Variants in SLC9B2 observed in about 807,000 individuals in gnomAD.
SLC9B2 encodes the protein sodium/hydrogen exchanger 9B2.
SLC9B2 carries 39 observed loss-of-function variants against 52.2 expected under a neutral mutation model. The observed-to-expected ratio is 0.75, with a 90% CI of 0.58 to 0.98. The LOEUF (loss-of-function observed/expected upper bound fraction) is 0.98. Among genes scored for constraint, SLC9B2 ranks in the 50% least tolerant of loss-of-function variants. SLC9B2 has a pLI of 0.00. For synonymous variants in SLC9B2, 214 were observed against 227.0 expected, an observed-to-expected ratio of 0.94 and a Z score of 0.51; for missense variants, 626 against 637.5, an observed-to-expected ratio of 0.98 and a Z score of 0.19.
chr4:103,035,221 G>A (rs953843311), intron 9 of SLC9B2, among the ~76,000 whole-genome samples: 2 of 152,086 alleles, frequency 1.3e-5, no homozygotes, highest in African/African-American at 4.8e-5. Flanking sequence ...CCACTTATAA[G>A]TGAAAACGTG....
At chr4:103,038,665 C>T (rs1344258863) in intron 9 of SLC9B2, among the ~76,000 whole-genome samples, 1 of 152,040 alleles carries the variant, frequency 6.6e-6, no homozygotes, top group Non-Finnish European at 1.5e-5. Flanking sequence ...GGAGGACCAA[C>T]AAAGGAGAAA....
chr4:103,027,583 A>G (rs950928842), intron 11 of SLC9B2, among the ~76,000 whole-genome samples: 1 of 152,172 alleles, frequency 6.6e-6, no homozygotes, highest in Non-Finnish European at 1.5e-5. Context: ...TAATCTGGTT[A>G]TCCCTTATTC....
chr4:103,023,940 C>T lies in SLC9B2; in HGVS notation c.*2430G>A, dbSNP rs1348295020. ...AAAATGCCACTGATGACCTGGGAAA[C>T]AGCATGAAGTGTAACACTTTTTGGT... On this transcript the variant is annotated 3_prime_UTR_variant, in exon 12 of 12. Coordinates refer to ENST00000394785, the MANE Select transcript of SLC9B2 (RefSeq NM_178833.7). Among the ~76,000 whole-genome samples the T allele has an allele frequency of 3.3e-5, 5 of 152,260 alleles. 1 individual carries two copies. In the East Asian group the frequency reaches 9.6e-4, roughly 29 times the overall value.
rs987448512 is a variant in SLC9B2 at position 103,056,544 on chromosome 4, G to A, written c.442+1257C>T. 5.3e-5 allele frequency among the ~76,000 whole-genome samples: 8 copies of A among 152,244 alleles called. No homozygotes were observed. In the East Asian group the frequency reaches 7.7e-4, roughly 15 times the overall value. On this transcript the variant is annotated intron_variant, in intron 4 of 11. Coordinates refer to ENST00000394785, the MANE Select transcript of SLC9B2 (RefSeq NM_178833.7). ...ATTACAGGTGTGAGCCACCATGATC[G>A]GCCAATATTATATTTTAAATATACC...
downstream of SLC9B2, among the ~76,000 whole-genome samples, chr4:103,018,541 A>G (rs1741526581): frequency 2.0e-5 from 3 of 152,178 alleles, no homozygotes; most frequent in African/African-American, 7.2e-5. Context: ...TGTTGCACAC[A>G]TAATTATATT....
intron 9 of SLC9B2, among the ~76,000 whole-genome samples, chr4:103,035,639 G>T (rs2110586384): frequency 6.6e-6 from 1 of 152,250 alleles, no homozygotes; most frequent in Admixed American, 6.5e-5. Flanking sequence ...ACAGATGATG[G>T]TGAGGTTGTG....
In SLC9B2 at chr4:103,031,753, A is replaced by G. The variant is rs748598869; in HGVS notation, c.1202T>C (p.Phe401Ser). 1.2e-6 allele frequency: 2 copies of G among 1,612,800 alleles called. No individual in the cohort carries two copies. Among genetic ancestry groups the G allele is most frequent in the Non-Finnish European group, 1.7e-6 (2 of 1,179,274 alleles). Residue 401 changes from phenylalanine to serine, a missense_variant, in exon 10 of 12, where the codon TTT becomes TCT. Physicochemically the swap from Phe to Ser is radical, Grantham distance 155. Transcript: ENST00000394785. ...AGATACCTCTGCTCCAATTAGTCCA[A>G]AAAGAAGGGGCTGAAAAATGTCCCA... ...VAWDIFQPLL[F>S]GLIGAEVSIA...
intron 1 of SLC9B2, among the ~76,000 whole-genome samples, chr4:103,072,359 G>A (rs1746738008): frequency 6.6e-6 from 1 of 152,018 alleles, no homozygotes. Context: ...ACCCAGCCCT[G>A]GTCTTCATAT....
intron 4 of SLC9B2, 114 bp downstream of exon 4, chr4:103,057,687 C>T (rs1745274621): frequency 8.6e-7 from 1 of 1,167,654 alleles, no homozygotes; most frequent in Admixed American, 3.0e-5. Flanking sequence ...TGGCTTTTGG[C>T]TCCAGCATGG....
At chr4:103,027,584 T>C (rs1381988663) in intron 11 of SLC9B2, among the ~76,000 whole-genome samples, 1 of 152,138 alleles carries the variant, frequency 6.6e-6, no homozygotes, top group African/African-American at 2.4e-5. Context: ...AATCTGGTTA[T>C]CCCTTATTCC....
Position 103,066,384 on chromosome 4 carries a change from G to A in SLC9B2, c.214C>T (p.Leu72=). ...TPTEANHVQR[L]RQMLACPPHG... ...GGAGGGCAAGCCAGCATTTGTCTCA[G>A]TCTTTGTACGTGATTTGCTTCAGTT... Residue 72 remains leucine (L), a synonymous_variant, in exon 3 of 12, where the codon CTG becomes TTG. Coordinates refer to ENST00000394785, the MANE Select transcript of SLC9B2 (RefSeq NM_178833.7). 6.2e-7 allele frequency: 1 copy of A among 1,614,008 alleles called. No individual in the cohort carries two copies. The highest frequency in any genetic ancestry group is 8.5e-7 in the Non-Finnish European group (1 of 1,179,932).
In SLC9B2 at chr4:103,072,056, GT is replaced by G. The variant is rs779979130; in HGVS notation, c.-43+4127del. 2.9e-3 allele frequency among the ~76,000 whole-genome samples: 275 copies of G among 95,336 alleles called. 8 individuals carry two copies. The highest frequency in any genetic ancestry group is 9.7e-3 in the African/African-American group (212 of 21,836). 62.5% of individuals were successfully genotyped at this position (95,336 alleles called of 152,430 possible). ...CAAAATTTTCAAGTTTGGCTTTCATGTTTTTTTTTTTTTTTTTTTTGAGGTG... is the reference window on the plus strand; with the variant it reads ...CAAAATTTTCAAGTTTGGCTTTCATGTTTTTTTTTTTTTTTTTTTGAGGTG... On this transcript the variant is annotated intron_variant, in intron 1 of 11. Coordinates refer to ENST00000394785, the MANE Select transcript of SLC9B2 (RefSeq NM_178833.7).
At chr4:103,050,027 A>C (rs909394623) in intron 5 of SLC9B2, among the ~76,000 whole-genome samples, 2 of 151,772 alleles carry the variant, frequency 1.3e-5, no homozygotes, top group Non-Finnish European at 2.9e-5. Flanking sequence ...AAAAAAAAAA[A>C]GGAAGAAAAT....
chr4:103,038,418 C>T (rs1203024223), intron 9 of SLC9B2, among the ~76,000 whole-genome samples: 1 of 152,040 alleles, frequency 6.6e-6, no homozygotes, highest in African/African-American at 2.4e-5. Context: ...CAGACATGGG[C>T]TTATATATTG....
chr4:103,026,284 A>C lies in SLC9B2; in HGVS notation c.*86T>G. The C allele has an allele frequency of 3.2e-6, 4 of 1,247,838 alleles. No individual in the cohort carries two copies. Among genetic ancestry groups the C allele is most frequent in the Non-Finnish European group, 4.5e-6 (4 of 896,434 alleles). 77.3% of individuals were successfully genotyped at this position (1,247,838 alleles called of 1,614,324 possible). ...ACACTTTTGGTTCTATTACATTTTAAGCTTAAACATTACATATTTCAATAT... is the reference window on the plus strand; with the variant it reads ...ACACTTTTGGTTCTATTACATTTTACGCTTAAACATTACATATTTCAATAT... On this transcript the variant is annotated 3_prime_UTR_variant, in exon 12 of 12. Transcript: ENST00000394785.
intron 3 of SLC9B2, among the ~76,000 whole-genome samples, chr4:103,059,450 T>C (rs1745439732): frequency 6.6e-6 from 1 of 152,238 alleles, no homozygotes; most frequent in African/African-American, 2.4e-5. Context: ...CCTCAGCTTA[T>C]ACTCTCAGCC....
At position 103,048,983 on chromosome 4, in the gene SLC9B2, G is replaced by A. The variant is rs753736568; in HGVS notation, c.623C>T (p.Ser208Phe). Residue 208 changes from serine to phenylalanine, a missense_variant, in exon 6 of 12, where the codon TCC (serine) becomes TTC (phenylalanine). Coordinates refer to ENST00000394785, the MANE Select transcript of SLC9B2 (RefSeq NM_178833.7). ...KKLKGVCVRL[S>F]MGPCIVEACT... ...CGCCTCCACAATACAGGGACCCATG[G>A]ACAGTCTTACACAAACGCCCTTTAA... 1.2e-6 allele frequency: 2 copies of A among 1,613,920 alleles called. No individual in the cohort carries two copies. Among genetic ancestry groups the A allele is most frequent in the African/African-American group, 2.7e-5 (2 of 75,010 alleles).
intron 4 of SLC9B2, among the ~76,000 whole-genome samples, chr4:103,055,146 A>C (rs1475954060): frequency 6.6e-6 from 1 of 151,104 alleles, no homozygotes; most frequent in Non-Finnish European, 1.5e-5. Context: ...GGACAAAAAA[A>C]CCAAACACTG....
At chr4:103,031,604 G>T (rs1405401248) in intron 10 of SLC9B2, 96 bp downstream of exon 10, 2 of 836,688 alleles carry the variant, frequency 2.4e-6, no homozygotes, top group Non-Finnish European at 3.9e-6. Flanking sequence ...CATACCTGCT[G>T]GAGATATTTC....
Sources: allele counts gnomAD v4.1 joint callset (sites outside exome capture counted in the v4.1 genomes callset), GRCh38; gene constraint gnomAD v4.1.1; transcripts MANE v1.5; gene names NCBI Gene and HGNC (gene_info 2026-07-23, HGNC 2026-07-21).